The following RALGDS variants were observed in gnomAD, a reference collection of about 807,000 sequenced individuals.
The protein encoded by RALGDS is ral guanine nucleotide dissociation stimulator.
A neutral mutation model predicts 99.8 loss-of-function variants in RALGDS; 44 were observed. That is an observed-to-expected ratio of 0.44 (90% CI 0.35 to 0.57). The LOEUF is 0.57. Ranked by LOEUF, RALGDS falls within the 20% of genes least tolerant of loss-of-function variation. The pLI, the probability that RALGDS is intolerant of heterozygous loss-of-function variation, is 0.01. For synonymous variants in RALGDS, 529 were observed against 505.0 expected (o/e 1.05, Z -0.64); for missense variants, 1,022 against 1,203.1 (o/e 0.85, Z 2.23).
At chr9:133,148,706 C>T (rs1423397648) in intron 1 of RALGDS, among the ~76,000 whole-genome samples, 1 of 152,226 alleles carries the variant, frequency 6.6e-6, no homozygotes, top group Non-Finnish European at 1.5e-5. Context: ...AAGGGTGAGC[C>T]GAGCCCTTCC....
intron 1 of RALGDS, among the ~76,000 whole-genome samples, chr9:133,143,833 G>A (rs1832577643): frequency 6.7e-6 from 1 of 149,888 alleles, no homozygotes. Context: ...ATAAAGGAAT[G>A]GCTTCCACTC....
chr9:133,132,754 C>T (rs1407175664), upstream of RALGDS, among the ~76,000 whole-genome samples: 5 of 152,176 alleles, frequency 3.3e-5, no homozygotes, highest in Non-Finnish European at 1.5e-5. Flanking sequence ...AGTCTCCTGT[C>T]TCAGCCTCCC....
intron 1 of RALGDS, 112 bp downstream of exon 1, chr9:133,120,860 C>A: frequency 1.7e-6 from 2 of 1,199,988 alleles, no homozygotes; most frequent in Non-Finnish European, 1.1e-6. Context: ...AGGAGGGAGG[C>A]GGCCCGCTGG....
At chr9:133,129,810 CT>C (rs35514711) in intron 1 of RALGDS, among the ~76,000 whole-genome samples, 34,428 of 129,608 alleles carry the variant, frequency 0.27, 4,939 homozygotes, top group Middle Eastern at 0.41. Context: ...TTCCTTTCTT[CT>C]TTTTTTTTTT....
chr9:133,124,854 CCACT>C (rs1832097127), upstream of RALGDS, among the ~76,000 whole-genome samples: 1 of 152,232 alleles, frequency 6.6e-6, no homozygotes, highest in African/African-American at 2.4e-5. Context: ...GAACGCAGCA[CCACT>C]CACAGTGTTC....
chr9:133,127,617 G>A (rs908913781), intron 1 of RALGDS, among the ~76,000 whole-genome samples: 4 of 152,236 alleles, frequency 2.6e-5, no homozygotes, highest in Non-Finnish European at 5.9e-5. Flanking sequence ...AGGAGGTGAC[G>A]CAGCTGGACC....
At chr9:133,131,937 C>G (rs1564251921), upstream of RALGDS, among the ~76,000 whole-genome samples, 1 of 152,226 alleles carries the variant, frequency 6.6e-6, no homozygotes, top group Non-Finnish European at 1.5e-5. Context: ...GTGCAATGAT[C>G]ATTTCCAGTG....
intron 2 of RALGDS, among the ~76,000 whole-genome samples, chr9:133,111,408 G>T (rs1831336806): frequency 6.6e-6 from 1 of 152,170 alleles, no homozygotes; most frequent in Non-Finnish European, 1.5e-5. Context: ...AGCCTCCCAA[G>T]TAGTTGGGAT....
chr9:133,100,364 C>G lies in RALGDS; in HGVS notation c.2473G>C (p.Ala825Pro), dbSNP rs374904252. Reference protein sequence around the residue: ...KSILVTSQDKAPAVIRKAMDK... With the variant: ...KSILVTSQDKPPAVIRKAMDK... ...ATGGCCTTGCGGATTACAGCCGGAG[C>G]CTTATCTTGGCTGGTCACCTGCATC... Residue 825 changes from alanine to proline, a missense_variant, in exon 17 of 18, where the codon GCT becomes CCT. By Grantham distance (27) the Ala-to-Pro change is conservative. Transcript: ENST00000372050. 6.2e-7 allele frequency: 1 copy of G among 1,614,066 alleles called. No homozygotes were observed. Among genetic ancestry groups the G allele is most frequent in the African/African-American group, 1.3e-5 (1 of 74,940 alleles).
At chr9:133,145,721 C>T (rs1476183531) in intron 1 of RALGDS, among the ~76,000 whole-genome samples, 1 of 152,190 alleles carries the variant, frequency 6.6e-6, no homozygotes, top group Non-Finnish European at 1.5e-5. Context: ...AGTTCTGTGA[C>T]CCCAAACTAG....
Position 133,139,318 on chromosome 9 carries a change from AT to A in RALGDS, c.18+9644del, listed in dbSNP as rs528156372. Reference sequence around the variant, plus strand: ...CGGAGAGGGGAGGAGGCAGGGCTCCATGCAGGGACTCCCCGACCCCAGAAGC... The same window carrying A: ...CGGAGAGGGGAGGAGGCAGGGCTCCAGCAGGGACTCCCCGACCCCAGAAGC... On this transcript the variant is annotated intron_variant, in intron 1 of 17. Transcript: ENST00000393160. 2.2e-3 allele frequency among the ~76,000 whole-genome samples: 330 copies of A among 152,304 alleles called. 1 individual carries two copies. Among genetic ancestry groups the A allele is most frequent in the African/African-American group, 7.6e-3 (317 of 41,550 alleles).
intron 1 of RALGDS, among the ~76,000 whole-genome samples, chr9:133,140,357 C>G (rs1334091987): frequency 6.6e-6 from 1 of 152,158 alleles, no homozygotes; most frequent in Non-Finnish European, 1.5e-5. Flanking sequence ...AGTTCCTGGA[C>G]TCAGGGCCTC....
In RALGDS at chr9:133,129,342, A is replaced by G. The variant is rs898817494; in HGVS notation, c.132+1610T>C. ...ATGGTGGGGCGAGAGCCAGGTGGGG[A>G]GTGGGCCCTGCGGGAGGCCCTCTGC... is the stretch of plus-strand genomic sequence containing the variant. On this transcript the variant is annotated intron_variant, in intron 1 of 17. Coordinates refer to the RALGDS transcript ENST00000372062. 1.4e-5 allele frequency: 22 copies of G among 1,554,012 alleles called. No homozygotes were observed. The African/African-American group carries it at 2.2e-4, about 15-fold the overall frequency.
rs1180925936 is a variant in RALGDS at position 133,139,320 on chromosome 9, G to A, written c.18+9643C>T. On this transcript the variant is annotated intron_variant, in intron 1 of 17. Transcript: ENST00000393160. ...GAGAGGGGAGGAGGCAGGGCTCCAT[G>A]CAGGGACTCCCCGACCCCAGAAGCT... is the stretch of plus-strand genomic sequence containing the variant. Among the ~76,000 whole-genome samples, 3 of 151,540 alleles carry A rather than the reference G, an allele frequency of 2.0e-5. No individual in the cohort carries two copies. The East Asian group carries it at 5.8e-4, about 29-fold the overall frequency.
At chr9:133,136,365 C>T (rs1031509840) in intron 1 of RALGDS, among the ~76,000 whole-genome samples, 3 of 152,172 alleles carry the variant, frequency 2.0e-5, no homozygotes, top group Admixed American at 1.3e-4. Context: ...TGGCCGGGCG[C>T]GGTGGCTCAC....
intron 16 of RALGDS, chr9:133,101,069 C>T (rs41296109): frequency 0.015 from 16,216 of 1,104,374 alleles, 193 homozygotes; most frequent in East Asian, 0.055. Flanking sequence ...CAAATCCTGT[C>T]TAGACTCTGA....
intron 16 of RALGDS, chr9:133,100,694 G>A: frequency 8.0e-7 from 1 of 1,254,066 alleles, no homozygotes. Context: ...TGCCCCTCCA[G>A]GATAACAGCA....
chr9:133,109,852 G>T (rs144547848), intron 3 of RALGDS, 131 bp from the exon 4 acceptor site: 1 of 728,458 alleles, frequency 1.4e-6, no homozygotes, highest in Non-Finnish European at 2.4e-6. Context: ...GCACACAGTA[G>T]GTGCTTCATA....
In RALGDS at chr9:133,131,107, G is replaced by A. The variant is rs140407147; in HGVS notation, c.-24C>T. 342 of 1,454,172 alleles carry A rather than the reference G, an allele frequency of 2.4e-4. No individual in the cohort carries two copies. The African/African-American group carries it at 3.4e-3, about 14-fold the overall frequency. The allele number at this position is 1,454,172 out of a possible 1,614,324, so 90.1% of individuals were successfully genotyped here. A position where few individuals can be genotyped will look rare whatever the true frequency, so the allele number is the denominator to read the frequency against. On this transcript the variant is annotated 5_prime_UTR_variant, in exon 1 of 18. Coordinates refer to the RALGDS transcript ENST00000372062. ...ATCAGGCCCTGGGGCCCGGCTTCCC[G>A]CCCAGACACTGCCCCAGCAGCACCT...
Sources: allele counts gnomAD v4.1 joint callset (sites outside exome capture counted in the v4.1 genomes callset), GRCh38; gene constraint gnomAD v4.1.1; transcripts MANE v1.5; gene names NCBI Gene and HGNC (gene_info 2026-07-23, HGNC 2026-07-21).